The following TMEFF2 variants were observed in gnomAD, a reference collection of about 807,000 sequenced individuals.
TMEFF2 encodes transmembrane protein with EGF like and two follistatin like domains 2, also known as tomoregulin-2.
Under a neutral mutation model 53.8 loss-of-function variants are expected in TMEFF2, and 28 were observed. The ratio of observed to expected loss-of-function variants is 0.52; its 90% confidence interval spans 0.39 to 0.71. The LOEUF is 0.71. TMEFF2 is among the 30% of genes least tolerant of loss of function. TMEFF2 has a pLI of 0.00. For missense variants in TMEFF2, 353 were observed against 455.2 expected, an observed-to-expected ratio of 0.78 and a Z score of 2.04; for synonymous variants, 162 against 166.3, an observed-to-expected ratio of 0.97 and a Z score of 0.20.
chr2:192,027,917 A>C (rs1687011748), intron 5 of TMEFF2: 1 of 152,064 alleles, frequency 6.6e-6, no homozygotes, highest in Admixed American at 6.6e-5. Context: ...TGACCCCATG[A>C]GTCATGGGAA....
chr2:192,127,708 C>T (rs10497724), intron 4 of TMEFF2, among the ~76,000 whole-genome samples: 54,757 of 151,964 alleles, frequency 0.36, 11,078 homozygotes, highest in Non-Finnish European at 0.47. Context: ...AACTGAAAGG[C>T]CCAATCTTTG....
intron 5 of TMEFF2, among the ~76,000 whole-genome samples, chr2:192,021,699 A>G (rs1686864209): frequency 6.6e-6 from 1 of 152,214 alleles, no homozygotes; most frequent in African/African-American, 2.4e-5. Flanking sequence ...CAAGAGCATC[A>G]TAGTACATGG....
intron 5 of TMEFF2, among the ~76,000 whole-genome samples, chr2:192,044,948 A>T: frequency 6.6e-6 from 1 of 152,142 alleles, no homozygotes; most frequent in East Asian, 1.9e-4. Context: ...CATCAAATGG[A>T]AGTACTTTGT....
At chr2:192,092,207 C>A (rs553333187) in intron 4 of TMEFF2, among the ~76,000 whole-genome samples, 9 of 152,030 alleles carry the variant, frequency 5.9e-5, no homozygotes, top group African/African-American at 1.7e-4. Flanking sequence ...AAAATGGAAT[C>A]ACAATAAAGT....
intron 4 of TMEFF2, among the ~76,000 whole-genome samples, chr2:192,159,296 A>G (rs1055782126): frequency 6.6e-6 from 1 of 152,152 alleles, no homozygotes; most frequent in African/African-American, 2.4e-5. Flanking sequence ...GCCGAAGGAT[A>G]GCATCAGGGA....
intron 4 of TMEFF2, among the ~76,000 whole-genome samples, chr2:192,164,146 T>A (rs564807253): frequency 6.6e-6 from 1 of 152,306 alleles, no homozygotes; most frequent in South Asian, 2.1e-4. Flanking sequence ...TTCCAAAGGC[T>A]TTCCATGATG....
At position 192,154,353 on chromosome 2, in the gene TMEFF2, T is replaced by C. The variant is rs1690457047; in HGVS notation, c.439+25315A>G. ...AGAGAGGACGCTCTGATTGAGGATG[T>C]GGTTTGAGTAAGCATGGACATAATG... On this transcript the variant is annotated intron_variant, in intron 4 of 9. Transcript: ENST00000272771. Among the ~76,000 whole-genome samples, 4 of 151,980 alleles carry C rather than the reference T, an allele frequency of 2.6e-5. No homozygotes were observed. In the South Asian group the frequency reaches 6.2e-4, roughly 24 times the overall value.
At chr2:192,089,158 C>A (rs987469415) in intron 4 of TMEFF2, among the ~76,000 whole-genome samples, 1 of 151,978 alleles carries the variant, frequency 6.6e-6, no homozygotes, top group Non-Finnish European at 1.5e-5. Context: ...ATTAGGGTAC[C>A]TAGACAAAGC....
At chr2:192,037,528 C>A (rs575155819) in intron 5 of TMEFF2, among the ~76,000 whole-genome samples, 4 of 151,266 alleles carry the variant, frequency 2.6e-5, no homozygotes, top group Non-Finnish European at 5.9e-5. Context: ...TTGTATTAGG[C>A]TGCCTGATTG....
intron 5 of TMEFF2, among the ~76,000 whole-genome samples, chr2:192,052,654 A>T (rs1559104450): frequency 1.3e-5 from 2 of 152,062 alleles, no homozygotes; most frequent in African/African-American, 4.8e-5. Context: ...CTTCTTTATA[A>T]ATTATATTTG....
intron 2 of TMEFF2, among the ~76,000 whole-genome samples, chr2:192,190,164 T>C (rs1321753653): frequency 1.3e-5 from 2 of 152,172 alleles, no homozygotes; most frequent in African/African-American, 2.4e-5. Flanking sequence ...GAAAATTATT[T>C]ATTTTCATTT....
At chr2:192,051,735 C>T (rs1438202866) in intron 5 of TMEFF2, among the ~76,000 whole-genome samples, 2 of 152,094 alleles carry the variant, frequency 1.3e-5, no homozygotes, top group African/African-American at 4.8e-5. Context: ...GGCAGGTTGC[C>T]AATAACACAC....
chr2:192,016,667 A>C lies in TMEFF2; in HGVS notation c.537-17459T>G, dbSNP rs1396233654. On this transcript the variant is annotated intron_variant, in intron 5 of 9. Transcript: ENST00000272771. ...CTTTTGCAGCCAAAGAATGAAAATC[A>C]GAGTCCAAAAGGTGCTATCCTCAAA... 3.9e-5 allele frequency among the ~76,000 whole-genome samples: 6 copies of C among 152,254 alleles called. No homozygotes were observed. In the East Asian group the frequency reaches 1.2e-3, roughly 29 times the overall value.
chr2:192,097,154 A>T (rs894490789), intron 4 of TMEFF2, among the ~76,000 whole-genome samples: 2 of 152,250 alleles, frequency 1.3e-5, no homozygotes, highest in African/African-American at 4.8e-5. Flanking sequence ...TATTGAGATG[A>T]TTTAACAAAA....
intron 2 of TMEFF2, 32 bp downstream of exon 2, chr2:192,191,848 G>T: frequency 7.0e-7 from 1 of 1,420,014 alleles, no homozygotes; most frequent in Non-Finnish European, 9.9e-7. Flanking sequence ...TCTCATTAAT[G>T]AATTAGAAGA....
intron 7 of TMEFF2, among the ~76,000 whole-genome samples, chr2:191,989,725 C>T (rs959225491): frequency 1.3e-5 from 2 of 152,112 alleles, no homozygotes; most frequent in African/African-American, 4.8e-5. Context: ...ATCCATCTTG[C>T]ACCAAATCAT....
chr2:192,012,166 G>A (rs1409698525), intron 5 of TMEFF2, among the ~76,000 whole-genome samples: 1 of 152,204 alleles, frequency 6.6e-6, no homozygotes, highest in Non-Finnish European at 1.5e-5. Flanking sequence ...GCCTCCCAAA[G>A]TGCTGGGATT....
chr2:192,041,095 G>A (rs570492938), intron 5 of TMEFF2, among the ~76,000 whole-genome samples: 2 of 152,140 alleles, frequency 1.3e-5, no homozygotes, highest in South Asian at 4.2e-4. Context: ...ACAAACACAA[G>A]CAACAACAAA....
At chr2:192,161,069 C>T (rs1159155752) in intron 4 of TMEFF2, among the ~76,000 whole-genome samples, 1 of 152,130 alleles carries the variant, frequency 6.6e-6, no homozygotes, top group Non-Finnish European at 1.5e-5. Context: ...TACCGTCTCC[C>T]AGTCTCATCT....
Sources: allele counts gnomAD v4.1 joint callset (sites outside exome capture counted in the v4.1 genomes callset), GRCh38; gene constraint gnomAD v4.1.1; transcripts MANE v1.5; gene names NCBI Gene and HGNC (gene_info 2026-07-23, HGNC 2026-07-21).